DAB2IP: variants seen among roughly 807,000 people sequenced by gnomAD.
The protein encoded by DAB2IP is DAB2 interacting protein.
A neutral mutation model predicts 107.2 loss-of-function variants in DAB2IP; 28 were observed. The ratio of observed to expected loss-of-function variants is 0.26; its 90% CI spans 0.19 to 0.36. The LOEUF (loss-of-function observed/expected upper bound fraction) is 0.36, where lower values mean the gene tolerates loss of function less well. DAB2IP is among the 10% of genes least tolerant of loss of function. DAB2IP has a pLI of 1.00. For missense variants in DAB2IP, 1,400 were observed against 1,644.7 expected (o/e 0.85, Z 2.57); for synonymous variants, 755 against 706.4 (o/e 1.07, Z -1.09).
At chr9:121,628,427 G>T (rs2119011083) in intron 1 of DAB2IP, among the ~76,000 whole-genome samples, 1 of 152,372 alleles carries the variant, frequency 6.6e-6, no homozygotes, top group South Asian at 2.1e-4. Flanking sequence ...CTTCCTCCAG[G>T]TTTAAAAGAG....
intron 1 of DAB2IP, among the ~76,000 whole-genome samples, chr9:121,644,103 C>T (rs1367824511): frequency 4.0e-5 from 6 of 151,666 alleles, no homozygotes; most frequent in Admixed American, 6.6e-5. Flanking sequence ...CCCAGGCATT[C>T]GAGGTCGCAG....
At chr9:121,664,209 C>T (rs551478299) in intron 1 of DAB2IP, among the ~76,000 whole-genome samples, 1 of 152,336 alleles carries the variant, frequency 6.6e-6, no homozygotes, top group East Asian at 1.9e-4. Context: ...ATGTATGGGT[C>T]TATTTCTAGA....
exon 2 of DAB2IP, chr9:121,678,775 G>A: frequency 6.3e-7 from 1 of 1,589,512 alleles, no homozygotes; most frequent in Admixed American, 1.7e-5. Context: ...CGCCGTTCCG[G>A]GTCACGGTAA....
chr9:121,683,591 A>G (rs1199398397), intron 2 of DAB2IP, among the ~76,000 whole-genome samples: 1 of 152,216 alleles, frequency 6.6e-6, no homozygotes, highest in Non-Finnish European at 1.5e-5. Context: ...AGGGAGGGGA[A>G]GGCCCAGGGG....
chr9:121,605,627 A>G (rs1019489550), intron 1 of DAB2IP, among the ~76,000 whole-genome samples: 2 of 151,970 alleles, frequency 1.3e-5, no homozygotes, highest in African/African-American at 4.8e-5. Context: ...GCCTCCCTAG[A>G]GTATCTGGGA....
intron 2 of DAB2IP, among the ~76,000 whole-genome samples, chr9:121,690,192 C>T (rs1163671255): frequency 6.6e-6 from 1 of 152,154 alleles, no homozygotes; most frequent in African/African-American, 2.4e-5. Context: ...GGGTTTTGAC[C>T]CCAGACTTAT....
rs538633821 is a variant in DAB2IP, at chr9:121,772,477, T to C, written c.2079-130T>C. 143 of 983,206 alleles carry C rather than the reference T, an allele frequency of 1.5e-4. No homozygotes were observed. In the African/African-American group the frequency reaches 2.2e-3, roughly 15 times the overall value. The allele number at this position is 983,206 out of a possible 1,614,324, so 60.9% of individuals were successfully genotyped here. On this transcript the variant is annotated intron_variant, in intron 11 of 15. Transcript: ENST00000408936. The surrounding 1 kb of genome is among the most constrained non-coding windows in gnomAD (Gnocchi z 4.7). ...CACTCCTGCCACCCCAGCGCATCCA[T>C]CTCCCCAGCGCTGGCTCAGGCTGCC...
chr9:121,645,334 A>G lies in DAB2IP; in HGVS notation c.41-33344A>G, dbSNP rs116120629. 6.6e-3 allele frequency among the ~76,000 whole-genome samples: 1,007 copies of G among 152,214 alleles called. 12 individuals are homozygous for G. Among genetic ancestry groups the G allele is most frequent in the African/African-American group, 0.023 (953 of 41,536 alleles). ...GGGGCTGGGGCCTGGAGAGTGGATT[A>G]GTCTCCCCTGGGCCACAGGATTGGA... On this transcript the variant is annotated intron_variant, in intron 1 of 16. Coordinates refer to the DAB2IP transcript ENST00000259371.
chr9:121,761,468 C>T (rs142159135), intron 6 of DAB2IP, among the ~76,000 whole-genome samples: 64 of 152,314 alleles, frequency 4.2e-4, no homozygotes, highest in African/African-American at 1.5e-3. Flanking sequence ...GAGCCATACC[C>T]CAGGGCAGAG....
At chr9:121,593,373 T>C (rs1830454872) in intron 1 of DAB2IP, among the ~76,000 whole-genome samples, 1 of 152,124 alleles carries the variant, frequency 6.6e-6, no homozygotes, top group African/African-American at 2.4e-5. Context: ...GCTCAAGTGA[T>C]TTTCCCAACT....
intron 1 of DAB2IP, among the ~76,000 whole-genome samples, chr9:121,642,043 C>CTTTCTTTCTTTT (rs1832365323): frequency 2.7e-5 from 1 of 37,366 alleles, no homozygotes; most frequent in Non-Finnish European, 4.5e-5. Flanking sequence ...TTCTTTCTTT[C>CTTTCTTTCTTTT]TTTCTTTCTT....
At chr9:121,752,938 A>G (rs1013933397) in intron 3 of DAB2IP, 1 of 152,210 alleles carries the variant, frequency 6.6e-6, no homozygotes, top group Non-Finnish European at 1.5e-5. Context: ...TCGCAGCAAC[A>G]CTAGATCAAA....
At chr9:121,677,498 C>A (rs115779820) in intron 1 of DAB2IP, among the ~76,000 whole-genome samples, 4 of 152,066 alleles carry the variant, frequency 2.6e-5, no homozygotes, top group East Asian at 3.9e-4. Flanking sequence ...CCAGCCTGAG[C>A]GAAAGAGTGA....
At chr9:121,692,459 A>G (rs1171472650) in intron 2 of DAB2IP, among the ~76,000 whole-genome samples, 1 of 152,150 alleles carries the variant, frequency 6.6e-6, no homozygotes, top group East Asian at 1.9e-4. Flanking sequence ...CTCTATGAGA[A>G]CATGTTTAAG....
At chr9:121,656,398 T>TG (rs34227592) in intron 1 of DAB2IP, among the ~76,000 whole-genome samples, 1 of 152,082 alleles carries the variant, frequency 6.6e-6, no homozygotes, top group Non-Finnish European at 1.5e-5. Flanking sequence ...AGCCCTGAGG[T>TG]GGGGGGGTTT....
At chr9:121,666,451 C>G (rs1833429294) in intron 1 of DAB2IP, among the ~76,000 whole-genome samples, 1 of 152,128 alleles carries the variant, frequency 6.6e-6, no homozygotes, top group Non-Finnish European at 1.5e-5. Context: ...CCTCCCTGTC[C>G]CAGAGAGGCG....
chr9:121,733,262 C>A (rs1249616053), intron 3 of DAB2IP, among the ~76,000 whole-genome samples: 1 of 152,218 alleles, frequency 6.6e-6, no homozygotes, highest in Admixed American at 6.5e-5. Context: ...TTAGAAAAAG[C>A]CTCTGTCGTC....
Position 121,615,751 on chromosome 9 carries a change from C to T in DAB2IP, c.40+48523C>T, listed in dbSNP as rs531401981. ...AAGCGATTCTCCTGCCTCAGCCTCC[C>T]GAGTAGCTGGGATTACAGGTGCGCA... On this transcript the variant is annotated intron_variant, in intron 1 of 16. Transcript: ENST00000259371. Among the ~76,000 whole-genome samples, 48 of 152,108 alleles carry T rather than the reference C, an allele frequency of 3.2e-4. No homozygotes were observed. In the South Asian group the frequency reaches 5.6e-3, roughly 18 times the overall value.
At chr9:121,624,222 G>A (rs1831567371) in intron 1 of DAB2IP, among the ~76,000 whole-genome samples, 1 of 152,246 alleles carries the variant, frequency 6.6e-6, no homozygotes, top group Non-Finnish European at 1.5e-5. Context: ...ACCCAGCGGG[G>A]CTGCCCAGAG....
Sources: allele counts gnomAD v4.1 joint callset (sites outside exome capture counted in the v4.1 genomes callset), GRCh38; gene constraint gnomAD v4.1.1; non-coding constraint Gnocchi (gnomAD v3.1); transcripts MANE v1.5; gene names NCBI Gene and HGNC (gene_info 2026-07-23, HGNC 2026-07-21).